Variants in TJP1 observed in about 807,000 individuals in gnomAD.
TJP1 encodes tight junction protein ZO-1.
A neutral mutation model predicts 194.2 loss-of-function variants in TJP1; 43 were observed. That is an observed-to-expected ratio of 0.22 (90% CI 0.17 to 0.29). The LOEUF is 0.29. Ranked by LOEUF, TJP1 falls within the 10% of genes least tolerant of loss-of-function variation. The probability of loss-of-function intolerance (pLI) is 1.00; values close to 1 mark genes in which losing one functional copy is unlikely to be tolerated. For missense variants in TJP1, 1,971 were observed against 2,185.7 expected (o/e 0.90, Z 1.96); for synonymous variants, 801 against 779.0 (o/e 1.03, Z -0.47).
At chr15:29,868,645 G>A (rs566038929) in intron 2 of TJP1, among the ~76,000 whole-genome samples, 27 of 152,276 alleles carry the variant, frequency 1.8e-4, no homozygotes, top group Admixed American at 1.4e-3. Flanking sequence ...CATGAATGGC[G>A]CTGGTATCCA....
At chr15:29,811,823 T>C (rs2049533526) in intron 1 of TJP1, among the ~76,000 whole-genome samples, 1 of 152,034 alleles carries the variant, frequency 6.6e-6, no homozygotes, top group African/African-American at 2.4e-5. Context: ...CTTGCTGGGC[T>C]GAAAACTACT....
At chr15:29,804,222 A>C (rs992753395) in intron 1 of TJP1, among the ~76,000 whole-genome samples, 1 of 152,114 alleles carries the variant, frequency 6.6e-6, no homozygotes, top group Non-Finnish European at 1.5e-5. Context: ...AAACACGTAA[A>C]TATGTAATAA....
intron 2 of TJP1, among the ~76,000 whole-genome samples, chr15:29,944,453 G>T (rs897510752): frequency 6.6e-6 from 1 of 152,070 alleles, no homozygotes; most frequent in Non-Finnish European, 1.5e-5. Context: ...TTTTGTTGGT[G>T]GGGGGACGGG....
intron 2 of TJP1, among the ~76,000 whole-genome samples, chr15:29,933,808 G>C (rs1331445508): frequency 1.3e-5 from 2 of 152,132 alleles, no homozygotes; most frequent in Non-Finnish European, 2.9e-5. Context: ...AAAGCAGAGG[G>C]AGAGGATGGA....
At chr15:29,944,999 A>G (rs1267801633) in intron 2 of TJP1, among the ~76,000 whole-genome samples, 1 of 152,188 alleles carries the variant, frequency 6.6e-6, no homozygotes, top group Non-Finnish European at 1.5e-5. Context: ...TATGTTGACT[A>G]TTTCTACCAG....
At chr15:29,950,108 A>T (rs188544771) in intron 2 of TJP1, among the ~76,000 whole-genome samples, 3 of 49,578 alleles carry the variant, frequency 6.1e-5, no homozygotes, top group African/African-American at 1.8e-4. Flanking sequence ...CTCCACCACC[A>T]CCACCTCCAC....
chr15:29,726,750 G>A (rs1403848644), intron 17 of TJP1, 31 bp downstream of exon 17: 1 of 1,595,384 alleles, frequency 6.3e-7, no homozygotes, highest in Non-Finnish European at 8.6e-7. Context: ...GACATTGTAA[G>A]CTGAAAGAAG....
At chr15:29,921,530 A>C (rs1719341) in intron 2 of TJP1, among the ~76,000 whole-genome samples, 28,908 of 152,020 alleles carry the variant, frequency 0.19, 2,857 homozygotes, top group East Asian at 0.34. Flanking sequence ...TCTGGAGCTG[A>C]GAGTAGGGAC....
At chr15:29,754,636 G>C (rs2151469339) in intron 8 of TJP1, among the ~76,000 whole-genome samples, 1 of 152,290 alleles carries the variant, frequency 6.6e-6, no homozygotes, top group Non-Finnish European at 1.5e-5. Flanking sequence ...TATTGGCAAA[G>C]TTGCACAGGT....
chr15:29,739,699 A>C (rs1034675100), intron 10 of TJP1, among the ~76,000 whole-genome samples: 2 of 151,442 alleles, frequency 1.3e-5, no homozygotes, highest in African/African-American at 4.8e-5. Context: ...CCCACCTCGG[A>C]CTCCCAAAGT....
intron 8 of TJP1, among the ~76,000 whole-genome samples, chr15:29,757,951 G>A (rs1173039464): frequency 6.6e-6 from 1 of 152,176 alleles, no homozygotes; most frequent in African/African-American, 2.4e-5. Flanking sequence ...GTGAAAACAA[G>A]GATGAAGGAA....
At chr15:29,949,841 ACAACCACCACCT>A (rs2055580048) in intron 2 of TJP1, among the ~76,000 whole-genome samples, 6 of 50,720 alleles carry the variant, frequency 1.2e-4, no homozygotes, top group South Asian at 7.3e-4. Flanking sequence ...CACCACCTCC[ACAACCACCACCT>A]CCACAACCAC....
chr15:29,868,936 A>C (rs946459167), intron 2 of TJP1, among the ~76,000 whole-genome samples: 1 of 152,230 alleles, frequency 6.6e-6, no homozygotes, highest in African/African-American at 2.4e-5. Context: ...AATAATCGAC[A>C]CAGCTCAATG....
intron 24 of TJP1, among the ~76,000 whole-genome samples, chr15:29,709,695 C>T (rs1248344430): frequency 1.3e-5 from 2 of 152,218 alleles, no homozygotes; most frequent in South Asian, 2.1e-4. Context: ...ATGTCTTAAA[C>T]ATGATAAAGG....
intron 2 of TJP1, among the ~76,000 whole-genome samples, chr15:29,871,424 T>C (rs1225036662): frequency 1.3e-5 from 2 of 152,242 alleles, no homozygotes; most frequent in African/African-American, 4.8e-5. Context: ...CAAAACCTGC[T>C]ATGATTTGCC....
chr15:29,765,487 A>C (rs533063294), intron 5 of TJP1, among the ~76,000 whole-genome samples: 2 of 152,184 alleles, frequency 1.3e-5, no homozygotes, highest in Non-Finnish European at 2.9e-5. Flanking sequence ...AAAGCAGCTG[A>C]GTTTCAGTTT....
At chr15:29,704,740 T>C (rs529178298) in intron 26 of TJP1, among the ~76,000 whole-genome samples, 3 of 152,326 alleles carry the variant, frequency 2.0e-5, no homozygotes, top group Admixed American at 1.3e-4. Context: ...TATTCAAATG[T>C]GCTTGTTGCG....
intron 2 of TJP1, among the ~76,000 whole-genome samples, chr15:29,844,128 G>A (rs934438331): frequency 6.6e-6 from 1 of 152,164 alleles, no homozygotes; most frequent in Non-Finnish European, 1.5e-5. Flanking sequence ...TGTCTCCCAG[G>A]CTGCAGTGCG....
At chr15:29,725,415 G>A (rs1316269319) in intron 18 of TJP1, among the ~76,000 whole-genome samples, 2 of 152,140 alleles carry the variant, frequency 1.3e-5, no homozygotes, top group African/African-American at 4.8e-5. Context: ...AGCATCTGTA[G>A]CCACAGCCAG....
Sources: allele counts gnomAD v4.1 joint callset (sites outside exome capture counted in the v4.1 genomes callset), GRCh38; gene constraint gnomAD v4.1.1; transcripts MANE v1.5; gene names NCBI Gene and HGNC (gene_info 2026-07-23, HGNC 2026-07-21).